The following FRMD4A variants were observed in gnomAD, a reference collection of about 807,000 sequenced individuals.
The protein encoded by FRMD4A is FERM domain-containing protein 4A.
In FRMD4A, 29 loss-of-function variants were observed where a neutral mutation model predicts 129.1. The observed-to-expected ratio is 0.22, with a 90% confidence interval of 0.17 to 0.31. The LOEUF is 0.31. FRMD4A is among the 10% of genes least tolerant of loss of function. The probability of loss-of-function intolerance (pLI) is 1.00; values close to 1 mark genes in which losing one functional copy is unlikely to be tolerated. For missense variants in FRMD4A, 1,272 were observed against 1,375.8 expected, an observed-to-expected ratio of 0.92 and a Z score of 1.19; for synonymous variants, 634 against 571.6, an observed-to-expected ratio of 1.11 and a Z score of -1.56.
At chr10:14,034,302 G>A (rs773236378) in intron 2 of FRMD4A, among the ~76,000 whole-genome samples, 17 of 152,154 alleles carry the variant, frequency 1.1e-4, no homozygotes, top group Non-Finnish European at 2.5e-4. Flanking sequence ...CTGGTAGCAG[G>A]TGAGGGCAGG....
intron 2 of FRMD4A, among the ~76,000 whole-genome samples, chr10:13,872,662 C>T (rs2094450494): frequency 6.6e-6 from 1 of 152,226 alleles, no homozygotes; most frequent in Non-Finnish European, 1.5e-5. Context: ...TACACACCTA[C>T]CTAACATCCA....
chr10:13,894,979 A>G (rs1391939293), intron 2 of FRMD4A, among the ~76,000 whole-genome samples: 2 of 152,204 alleles, frequency 1.3e-5, no homozygotes, highest in Non-Finnish European at 2.9e-5. Flanking sequence ...AATGGGGACA[A>G]TAATATTGCC....
chr10:13,770,905 C>A (rs923857823), intron 6 of FRMD4A, among the ~76,000 whole-genome samples: 1 of 152,154 alleles, frequency 6.6e-6, no homozygotes, highest in Non-Finnish European at 1.5e-5. Flanking sequence ...ATGTTGTCCT[C>A]TAGAATGTGA....
At chr10:14,088,785 C>CAAAAAAAAAA (rs58056105) in intron 2 of FRMD4A, among the ~76,000 whole-genome samples, 1 of 73,844 alleles carries the variant, frequency 1.4e-5, no homozygotes, top group East Asian at 4.3e-4. Flanking sequence ...GACTCTGTCT[C>CAAAAAAAAAA]AAAAAAAAAA....
rs145701309 is a variant in FRMD4A at position 13,660,500 on chromosome 10, G to A, written c.1714C>T (p.Leu572Phe). The change falls in exon 20 of 25, where the codon CTC becomes TTC. Residue 572 changes from leucine (L) to phenylalanine (F), a missense_variant. Coordinates refer to ENST00000357447, the MANE Select transcript of FRMD4A (RefSeq NM_018027.5). ...ISPLHSPHKG[L>F]PPRPPSHNRP... ...TTGTGCGACGGTGGCCGAGGAGGGA[G>A]TCCCTTGTGAGGAGAATGTAGGGGG... is the stretch of plus-strand genomic sequence containing the variant. 60 of 1,613,924 alleles carry A rather than the reference G, an allele frequency of 3.7e-5. No individual in the cohort carries two copies. In the East Asian group the frequency reaches 1.3e-3, roughly 36 times the overall value.
At chr10:14,070,507 A>G (rs1027378756) in intron 2 of FRMD4A, among the ~76,000 whole-genome samples, 2 of 152,166 alleles carry the variant, frequency 1.3e-5, no homozygotes, top group South Asian at 4.1e-4. Flanking sequence ...AAGGAAGGTA[A>G]GCATTGAAGA....
intron 16 of FRMD4A, among the ~76,000 whole-genome samples, chr10:13,672,494 G>A (rs974349729): frequency 6.6e-6 from 1 of 151,966 alleles, no homozygotes; most frequent in East Asian, 1.9e-4. Flanking sequence ...CCATGGATCT[G>A]TAACTCTAAA....
intron 3 of FRMD4A, among the ~76,000 whole-genome samples, chr10:13,844,709 A>G (rs966427468): frequency 6.6e-6 from 1 of 152,190 alleles, no homozygotes; most frequent in Non-Finnish European, 1.5e-5. Flanking sequence ...TTTCCTGGAG[A>G]ATGTGTTTCT....
chr10:13,675,813 A>T (rs2083932187), intron 15 of FRMD4A: 2 of 152,182 alleles, frequency 1.3e-5, no homozygotes, highest in African/African-American at 2.4e-5. Context: ...GACAGGTATA[A>T]GAAATAGTCC....
intron 2 of FRMD4A, among the ~76,000 whole-genome samples, chr10:14,159,999 G>A (rs182149364): frequency 2.0e-5 from 3 of 152,214 alleles, no homozygotes; most frequent in Admixed American, 6.5e-5. Context: ...ACAGTGAGCC[G>A]AGATCATGCC....
At chr10:13,983,722 G>C (rs2095570488) in intron 2 of FRMD4A, among the ~76,000 whole-genome samples, 1 of 152,074 alleles carries the variant, frequency 6.6e-6, no homozygotes, top group Non-Finnish European at 1.5e-5. Context: ...ACTGGGGGCC[G>C]GGCGCGGTGG....
chr10:13,971,639 G>C, intron 2 of FRMD4A: 3 of 1,281,274 alleles, frequency 2.3e-6, no homozygotes, highest in Non-Finnish European at 3.1e-6. Flanking sequence ...AAACGAAAGA[G>C]GAGCTTCTGG....
At chr10:14,028,116 T>A (rs955649933) in intron 2 of FRMD4A, among the ~76,000 whole-genome samples, 1 of 152,240 alleles carries the variant, frequency 6.6e-6, no homozygotes, top group Admixed American at 6.5e-5. Flanking sequence ...GTAACTATAT[T>A]CTAACTACCT....
intron 4 of FRMD4A, among the ~76,000 whole-genome samples, chr10:13,798,067 T>C (rs926483881): frequency 1.3e-5 from 2 of 152,208 alleles, no homozygotes; most frequent in Admixed American, 6.5e-5. Flanking sequence ...AAAATTCCAT[T>C]AACTTTATCT....
At chr10:13,918,943 G>A (rs1342816829) in intron 2 of FRMD4A, among the ~76,000 whole-genome samples, 2 of 151,742 alleles carry the variant, frequency 1.3e-5, no homozygotes, top group Non-Finnish European at 2.9e-5. Flanking sequence ...ATGCCCAAAT[G>A]ATTCTATCTG....
At chr10:13,990,239 G>A (rs1342314672) in intron 2 of FRMD4A, among the ~76,000 whole-genome samples, 2 of 152,208 alleles carry the variant, frequency 1.3e-5, no homozygotes, top group Admixed American at 6.5e-5. Context: ...CTCATTAAAG[G>A]TACTTTCTAT....
intron 2 of FRMD4A, among the ~76,000 whole-genome samples, chr10:14,033,624 A>C (rs1427762060): frequency 1.3e-5 from 2 of 152,106 alleles, no homozygotes; most frequent in African/African-American, 4.8e-5. Flanking sequence ...ATCTCTACTA[A>C]AAATACAAAA....
intron 5 of FRMD4A, among the ~76,000 whole-genome samples, chr10:13,789,251 G>A (rs984484443): frequency 1.3e-5 from 2 of 152,092 alleles, no homozygotes; most frequent in Admixed American, 6.5e-5. Context: ...TTGTTATTGC[G>A]AGTGACAGGA....
At chr10:13,891,056 G>C (rs2094689936) in intron 2 of FRMD4A, among the ~76,000 whole-genome samples, 1 of 152,118 alleles carries the variant, frequency 6.6e-6, no homozygotes. Context: ...CTCCAATATA[G>C]AAGCACTGCA....
Sources: allele counts gnomAD v4.1 joint callset (sites outside exome capture counted in the v4.1 genomes callset), GRCh38; gene constraint gnomAD v4.1.1; transcripts MANE v1.5; gene names NCBI Gene and HGNC (gene_info 2026-07-23, HGNC 2026-07-21).